The following DKK2 variants were observed in gnomAD, a reference collection of about 807,000 sequenced individuals.
DKK2 encodes the protein dickkopf-related protein 2.
DKK2 carries 11 observed loss-of-function variants against 28.1 expected under a neutral mutation model. The ratio of observed to expected loss-of-function variants is 0.39; its 90% CI spans 0.25 to 0.65. DKK2 has a LOEUF of 0.65. DKK2 is among the 30% of genes least tolerant of loss of function. DKK2 has a pLI of 0.47. For synonymous variants in DKK2, 135 were observed against 126.5 expected (o/e 1.07, Z -0.45); for missense variants, 326 against 335.5 (o/e 0.97, Z 0.22).
Position 106,955,456 on chromosome 4 carries a change from C to T in DKK2, c.223-29507G>A, listed in dbSNP as rs112085369. Among the ~76,000 whole-genome samples, 946 of 152,314 alleles carry T rather than the reference C, an allele frequency of 6.2e-3. 9 individuals are homozygous for T. Among genetic ancestry groups the T allele is most frequent in the African/African-American group, 0.021 (877 of 41,588 alleles). ...GATTGGCAGAGGAACAGCCACACCA[C>T]AGTGTGTCTGTTGGCTAATTGCTTT... On this transcript the variant is annotated intron_variant, in intron 1 of 3. Transcript: ENST00000285311.
intron 1 of DKK2, among the ~76,000 whole-genome samples, chr4:107,014,275 G>A (rs1419839484): frequency 6.6e-6 from 1 of 151,458 alleles, no homozygotes; most frequent in Non-Finnish European, 1.5e-5. Flanking sequence ...AGAAAATGTG[G>A]CATATATACA....
chr4:106,941,127 A>G (rs1006065847), intron 1 of DKK2, among the ~76,000 whole-genome samples: 2 of 151,946 alleles, frequency 1.3e-5, no homozygotes, highest in East Asian at 3.9e-4. Context: ...AAATAACAAA[A>G]TAAAAATAAA....
At chr4:106,942,207 A>G (rs1307842088) in intron 1 of DKK2, among the ~76,000 whole-genome samples, 3 of 152,146 alleles carry the variant, frequency 2.0e-5, no homozygotes, top group South Asian at 2.1e-4. Flanking sequence ...TGACATACAC[A>G]ACGTGTTAGT....
intron 1 of DKK2, among the ~76,000 whole-genome samples, chr4:107,011,865 G>A (rs988729751): frequency 6.6e-5 from 10 of 151,294 alleles, no homozygotes; most frequent in Non-Finnish European, 8.9e-5. Context: ...AAAGCAAATA[G>A]CACCTTAGTA....
intron 1 of DKK2, among the ~76,000 whole-genome samples, chr4:106,979,344 C>A (rs1194364239): frequency 6.6e-6 from 1 of 151,994 alleles, no homozygotes; most frequent in Non-Finnish European, 1.5e-5. Flanking sequence ...AAATAAAACT[C>A]CAGGATTTGA....
chr4:106,952,446 C>A (rs573525437), intron 1 of DKK2, among the ~76,000 whole-genome samples: 1 of 152,136 alleles, frequency 6.6e-6, no homozygotes, highest in Admixed American at 6.6e-5. Context: ...GCCATAGAAA[C>A]TGGCATCTTG....
chr4:106,999,784 T>C (rs573611219), intron 1 of DKK2, among the ~76,000 whole-genome samples: 1 of 152,328 alleles, frequency 6.6e-6, no homozygotes, highest in South Asian at 2.1e-4. Flanking sequence ...CATCAAATTT[T>C]TGTATTTTTT....
chr4:106,964,902 T>C (rs1405241856), intron 1 of DKK2, among the ~76,000 whole-genome samples: 2 of 151,554 alleles, frequency 1.3e-5, no homozygotes, highest in Admixed American at 1.3e-4. Context: ...AACAACATGA[T>C]AGATGATAGA....
chr4:107,023,348 A>C (rs1000551204), intron 1 of DKK2, among the ~76,000 whole-genome samples: 9 of 152,228 alleles, frequency 5.9e-5, no homozygotes, highest in Non-Finnish European at 5.9e-5. Context: ...GACATGGAAG[A>C]ATCTTAAATA....
chr4:106,977,413 T>C (rs1722961423), intron 1 of DKK2, among the ~76,000 whole-genome samples: 1 of 152,224 alleles, frequency 6.6e-6, no homozygotes, highest in Non-Finnish European at 1.5e-5. Flanking sequence ...CATAGTCTCA[T>C]ATTTCTTGGA....
chr4:106,983,474 T>C (rs1723065161), intron 1 of DKK2, among the ~76,000 whole-genome samples: 1 of 152,028 alleles, frequency 6.6e-6, no homozygotes, highest in African/African-American at 2.4e-5. Context: ...CAGACTTACA[T>C]GTAACATGAA....
intron 1 of DKK2, among the ~76,000 whole-genome samples, chr4:106,965,007 T>TG (rs1722751049): frequency 7.9e-6 from 1 of 126,172 alleles, no homozygotes; most frequent in Admixed American, 8.0e-5. Flanking sequence ...ATAGATAGAT[T>TG]GATTGATTCT....
At chr4:106,942,137 T>C (rs1724708951) in intron 1 of DKK2, among the ~76,000 whole-genome samples, 1 of 152,098 alleles carries the variant, frequency 6.6e-6, no homozygotes, top group South Asian at 2.1e-4. Context: ...TGATAGATGC[T>C]TTGGTTTGTG....
At chr4:106,924,381 T>G in intron 3 of DKK2, 164 bp downstream of exon 3, 1 of 1,236,458 alleles carries the variant, frequency 8.1e-7, no homozygotes. Context: ...ATAAATCTAT[T>G]ATGGTCTGTT....
chr4:106,925,688 A>C, intron 2 of DKK2, 111 bp downstream of exon 2: 2 of 1,399,430 alleles, frequency 1.4e-6, no homozygotes, highest in South Asian at 2.9e-5. Flanking sequence ...CAGTTCTACC[A>C]GGCTTCTTAT....
chr4:106,928,183 G>A (rs7687602), intron 1 of DKK2, among the ~76,000 whole-genome samples: 9,389 of 152,000 alleles, frequency 0.062, 316 homozygotes, highest in Non-Finnish European at 0.074. Flanking sequence ...AAAAAATGGG[G>A]TGCACAGTAG....
At chr4:106,994,019 G>A (rs753593785) in intron 1 of DKK2, among the ~76,000 whole-genome samples, 6 of 152,074 alleles carry the variant, frequency 3.9e-5, no homozygotes, top group Non-Finnish European at 5.9e-5. Flanking sequence ...AAAAGCCTGC[G>A]GCATGATAAT....
chr4:107,009,758 C>T (rs1723489766), intron 1 of DKK2, among the ~76,000 whole-genome samples: 3 of 151,730 alleles, frequency 2.0e-5, no homozygotes, highest in Non-Finnish European at 4.4e-5. Context: ...TTTGACACAG[C>T]ATTGGAAGGG....
chr4:107,000,749 T>A (rs1723348177), intron 1 of DKK2, among the ~76,000 whole-genome samples: 1 of 152,140 alleles, frequency 6.6e-6, no homozygotes, highest in South Asian at 2.1e-4. Flanking sequence ...TCTTTATACA[T>A]CATCTCATAA....
Sources: gnomAD v4.1 joint callset for allele counts (sites outside exome capture counted in the v4.1 genomes callset) on GRCh38, gnomAD v4.1.1 for gene constraint, MANE v1.5 for transcripts, NCBI Gene and HGNC (gene_info 2026-07-23, HGNC 2026-07-21) for gene names.